The following ROBO1 variants were observed in gnomAD, a reference collection of about 807,000 sequenced individuals.
ROBO1 encodes roundabout homolog 1.
In ROBO1, 149 loss-of-function variants were observed where a neutral mutation model predicts 195.9. The observed-to-expected ratio is 0.76, with a 90% CI of 0.67 to 0.87. The LOEUF is 0.87. Ranked by LOEUF, ROBO1 falls within the 40% of genes least tolerant of loss-of-function variation. The pLI is 0.00. For missense variants in ROBO1, 1,933 were observed against 2,068.3 expected (o/e 0.93, Z 1.27); for synonymous variants, 816 against 733.2 (o/e 1.11, Z -1.82).
intron 2 of ROBO1, among the ~76,000 whole-genome samples, chr3:79,242,336 G>A (rs996243927): frequency 2.0e-5 from 3 of 151,656 alleles, no homozygotes; most frequent in Admixed American, 6.6e-5. Context: ...TAATACCTAT[G>A]CCTGTATTCT....
At chr3:79,039,276 A>G (rs867746951) in intron 3 of ROBO1, among the ~76,000 whole-genome samples, 1 of 152,152 alleles carries the variant, frequency 6.6e-6, no homozygotes, top group Non-Finnish European at 1.5e-5. Context: ...TGTGGAATCC[A>G]ATTCTCAACT....
intron 2 of ROBO1, among the ~76,000 whole-genome samples, chr3:79,328,611 A>G (rs2034311115): frequency 6.6e-6 from 1 of 152,106 alleles, no homozygotes; most frequent in Non-Finnish European, 1.5e-5. Context: ...TTTTAAAAAC[A>G]TATCAGATTA....
chr3:79,683,187 A>T (rs1332171384), intron 1 of ROBO1, among the ~76,000 whole-genome samples: 1 of 152,002 alleles, frequency 6.6e-6, no homozygotes, highest in Non-Finnish European at 1.5e-5. Flanking sequence ...TAATGTCTCC[A>T]AATTTAAAGT....
At chr3:79,162,089 T>C (rs2080978042) in intron 2 of ROBO1, among the ~76,000 whole-genome samples, 1 of 152,038 alleles carries the variant, frequency 6.6e-6, no homozygotes, top group African/African-American at 2.4e-5. Context: ...AGAAGTAGCA[T>C]GTGTCAGCAA....
intron 2 of ROBO1, among the ~76,000 whole-genome samples, chr3:79,189,256 C>T (rs903462486): frequency 2.0e-5 from 3 of 151,588 alleles, no homozygotes; most frequent in African/African-American, 7.3e-5. Flanking sequence ...TAATAGATAT[C>T]TCAAGTAAAT....
In ROBO1 at chr3:78,678,490, G is replaced by T. The variant is rs1335082104; in HGVS notation, c.1342+7256C>A. ...GGATGCAATAAAAAATGATAAAGGG[G>T]ATATCACCACCAATCCCACAGAAAT... On this transcript the variant is annotated intron_variant, in intron 10 of 30. Coordinates refer to ENST00000464233, the MANE Select transcript of ROBO1 (RefSeq NM_002941.4). Among the ~76,000 whole-genome samples, 15 of 152,164 alleles carry T rather than the reference G, an allele frequency of 9.9e-5. No homozygotes were observed. In the East Asian group the frequency reaches 2.9e-3, roughly 29 times the overall value.
chr3:78,905,530 G>T (rs2037851888), intron 4 of ROBO1, among the ~76,000 whole-genome samples: 1 of 151,922 alleles, frequency 6.6e-6, no homozygotes, highest in African/African-American at 2.4e-5. Context: ...AAGGTGGGAG[G>T]GTGGCTTTAG....
chr3:79,200,861 A>G (rs1211999536), intron 2 of ROBO1, among the ~76,000 whole-genome samples: 1 of 152,016 alleles, frequency 6.6e-6, no homozygotes, highest in African/African-American at 2.4e-5. Flanking sequence ...CTTAGCTCTC[A>G]GGAAAATGAC....
At position 79,575,211 on chromosome 3, in the gene ROBO1, ATAT is replaced by A. The variant is rs1560007366; in HGVS notation, c.88+14610_88+14612del. On this transcript the variant is annotated intron_variant, in intron 2 of 30. Transcript: ENST00000464233. ...ATATATATAAATATATATATAACAG[ATAT>A]ATATATATAACAAATATATATAAAT... Among the ~76,000 whole-genome samples, 372 of 124,814 alleles carry A rather than the reference ATAT, an allele frequency of 3.0e-3. 9 individuals are homozygous for A. Among genetic ancestry groups the A allele is most frequent in the African/African-American group, 9.4e-3 (298 of 31,676 alleles). The allele number at this position is 124,814 out of a possible 152,430, so 81.9% of individuals were successfully genotyped here.
intron 2 of ROBO1, among the ~76,000 whole-genome samples, chr3:79,288,791 CT>C (rs367684442): frequency 6.7e-4 from 102 of 151,408 alleles, no homozygotes; most frequent in Admixed American, 2.0e-3. Flanking sequence ...ATATCTCGAC[CT>C]TTTTTTTTCC....
rs1485915262 is a variant in ROBO1, at chr3:78,606,746, A to T, written c.4731T>A (p.Thr1577=). ...TTGGATGAGTACCTTGGATGAGATG[A>T]GTCTTTGCTGGTGGAAGGTCTCGTT... ...AAKRDLPPAK[T]HLIQEDILPY... Residue 1577 remains threonine, a synonymous_variant, in exon 29 of 31, where the codon ACT becomes ACA. Coordinates refer to ENST00000464233, the MANE Select transcript of ROBO1 (RefSeq NM_002941.4). The T allele has an allele frequency of 1.2e-6, 2 of 1,613,568 alleles. No homozygotes were observed. The highest frequency in any genetic ancestry group is 8.5e-7 in the Non-Finnish European group (1 of 1,179,752).
At chr3:79,491,179 T>C (rs1365240283) in intron 2 of ROBO1, among the ~76,000 whole-genome samples, 7 of 149,662 alleles carry the variant, frequency 4.7e-5, no homozygotes, top group South Asian at 4.2e-4. Context: ...GTGCCATTGC[T>C]TGGGGGGAAA....
At chr3:78,974,518 A>G (rs991221947) in intron 3 of ROBO1, among the ~76,000 whole-genome samples, 1 of 152,116 alleles carries the variant, frequency 6.6e-6, no homozygotes, top group African/African-American at 2.4e-5. Context: ...TCAATATACG[A>G]AAAAAAGAAA....
chr3:79,581,377 C>T (rs1340234036), intron 2 of ROBO1, among the ~76,000 whole-genome samples: 1 of 152,114 alleles, frequency 6.6e-6, no homozygotes, highest in Non-Finnish European at 1.5e-5. Flanking sequence ...CCAGTTTAAT[C>T]ACAAAGGCCA....
intron 26 of ROBO1, among the ~76,000 whole-genome samples, chr3:78,624,834 C>T (rs576565987): frequency 7.9e-5 from 12 of 151,978 alleles, no homozygotes; most frequent in African/African-American, 2.4e-4. Context: ...AAGCAGAGGA[C>T]GTGTCCTTTG....
chr3:78,686,395 A>G (rs2081052898), intron 9 of ROBO1, among the ~76,000 whole-genome samples: 1 of 151,926 alleles, frequency 6.6e-6, no homozygotes, highest in Non-Finnish European at 1.5e-5. Context: ...TCTCTACTAA[A>G]AATACAAAAA....
At chr3:79,357,229 G>A (rs1161528672) in intron 2 of ROBO1, among the ~76,000 whole-genome samples, 2 of 152,062 alleles carry the variant, frequency 1.3e-5, no homozygotes, top group East Asian at 3.9e-4. Flanking sequence ...AAGTCATGAG[G>A]GCACATGCCT....
chr3:79,074,076 A>T (rs1328078810), intron 3 of ROBO1, among the ~76,000 whole-genome samples: 1 of 151,820 alleles, frequency 6.6e-6, no homozygotes, highest in Non-Finnish European at 1.5e-5. Flanking sequence ...TCTTTAATTG[A>T]TTGTATTATT....
At chr3:79,492,425 C>CA (rs745481519) in intron 2 of ROBO1, among the ~76,000 whole-genome samples, 34,620 of 85,096 alleles carry the variant, frequency 0.41, 4,841 homozygotes, top group Non-Finnish European at 0.42. Context: ...GACTCTGTTT[C>CA]AGAAAAAAAA....
Sources: gnomAD v4.1 joint callset for allele counts (sites outside exome capture counted in the v4.1 genomes callset) on GRCh38, gnomAD v4.1.1 for gene constraint, MANE v1.5 for transcripts, NCBI Gene and HGNC (gene_info 2026-07-23, HGNC 2026-07-21) for gene names.